The following TRHDE variants were observed in gnomAD, a reference collection of about 807,000 sequenced individuals.
TRHDE encodes thyrotropin-releasing hormone-degrading ectoenzyme.
TRHDE carries 72 observed loss-of-function variants against 125.7 expected under a neutral mutation model. The observed-to-expected ratio is 0.57, with a 90% CI of 0.47 to 0.70. The LOEUF (loss-of-function observed/expected upper bound fraction) is 0.70, where lower values mean the gene tolerates loss of function less well. TRHDE is among the 30% of genes least tolerant of loss of function. The pLI, the probability that TRHDE is intolerant of heterozygous loss-of-function variation, is 0.00. For synonymous variants in TRHDE, 509 were observed against 509.1 expected (o/e 1.00, Z 0.00); for missense variants, 1,110 against 1,327.1 (o/e 0.84, Z 2.54).
chr12:72,304,453 A>T (rs1868309068), intron 2 of TRHDE, among the ~76,000 whole-genome samples: 1 of 152,180 alleles, frequency 6.6e-6, no homozygotes, highest in South Asian at 2.1e-4. Flanking sequence ...ATAAAATGAA[A>T]TCTTGAAGTT....
chr12:72,470,053 A>T (rs1876568696), intron 4 of TRHDE, 141 bp downstream of exon 4: 1 of 800,674 alleles, frequency 1.2e-6, no homozygotes, highest in Admixed American at 3.1e-5. Flanking sequence ...TTTCTGGAAG[A>T]TATGTCATTT....
chr12:72,105,650 G>A (rs1431241044), exon 2 of TRHDE: 1 of 152,074 alleles, frequency 6.6e-6, no homozygotes, highest in Admixed American at 6.6e-5. Context: ...TCTTACAGAA[G>A]AGAAACTGAG....
chr12:72,407,221 G>T (rs1325896259), intron 3 of TRHDE, among the ~76,000 whole-genome samples: 2 of 152,182 alleles, frequency 1.3e-5, no homozygotes, highest in African/African-American at 2.4e-5. Flanking sequence ...TGAGTCTCCT[G>T]CAGTTGGAAG....
At chr12:72,372,671 C>G (rs1221760453) in intron 2 of TRHDE, among the ~76,000 whole-genome samples, 9 of 152,234 alleles carry the variant, frequency 5.9e-5, no homozygotes, top group Middle Eastern at 3.4e-3. Context: ...GCTTGTTTTT[C>G]TCAGGTTTGT....
At chr12:72,509,774 T>C (rs1878508610) in intron 6 of TRHDE, among the ~76,000 whole-genome samples, 1 of 152,202 alleles carries the variant, frequency 6.6e-6, no homozygotes, top group Non-Finnish European at 1.5e-5. Flanking sequence ...CTAATGTATC[T>C]CCAATACCTA....
At chr12:72,276,158 G>A (rs1229505502) in intron 1 of TRHDE, among the ~76,000 whole-genome samples, 1 of 152,082 alleles carries the variant, frequency 6.6e-6, no homozygotes, top group African/African-American at 2.4e-5. Flanking sequence ...ACCCATATCA[G>A]CATCTCAGCT....
In TRHDE at chr12:72,661,279, T is replaced by A. The variant is rs183508472; in HGVS notation, c.3067-1773T>A. On this transcript the variant is annotated intron_variant, in intron 18 of 18. Coordinates refer to ENST00000261180, the MANE Select transcript of TRHDE (RefSeq NM_013381.3). ...AGGAGGACTTAAGAGTTTTACTTTA[T>A]GTGTTTAGGCTGGCTTACCATCTCA... is the stretch of plus-strand genomic sequence containing the variant. Among the ~76,000 whole-genome samples, 254 of 152,266 alleles carry A rather than the reference T, an allele frequency of 1.7e-3. 2 individuals are homozygous for A. Among genetic ancestry groups the A allele is most frequent in the African/African-American group, 5.7e-3 (238 of 41,576 alleles).
At chr12:72,402,807 T>C (rs1057178780) in intron 3 of TRHDE, among the ~76,000 whole-genome samples, 3 of 152,190 alleles carry the variant, frequency 2.0e-5, no homozygotes, top group African/African-American at 7.2e-5. Context: ...TTTTGTCCTT[T>C]ATTTCCTAAG....
chr12:72,157,257 A>G (rs919385237), intron 2 of TRHDE, among the ~76,000 whole-genome samples: 1 of 152,144 alleles, frequency 6.6e-6, no homozygotes, highest in African/African-American at 2.4e-5. Flanking sequence ...ATGAAGACAG[A>G]GAGGTAGCTA....
upstream of TRHDE, chr12:72,272,209 C>T: frequency 2.3e-6 from 1 of 426,318 alleles, no homozygotes; most frequent in South Asian, 1.7e-5. The surrounding 1 kb of genome is among the most constrained non-coding windows in gnomAD (Gnocchi z 6.7). Flanking sequence ...CTCTCTACAC[C>T]CTCGCTCTTC....
At chr12:72,597,707 G>GTA (rs1872009535) in intron 12 of TRHDE, among the ~76,000 whole-genome samples, 1 of 47,638 alleles carries the variant, frequency 2.1e-5, no homozygotes, top group African/African-American at 1.7e-4. Flanking sequence ...ATATGTGTGT[G>GTA]TGTATGTATA....
intron 2 of TRHDE, among the ~76,000 whole-genome samples, chr12:72,321,589 G>A (rs528010282): frequency 1.3e-4 from 20 of 152,136 alleles, no homozygotes; most frequent in South Asian, 1.0e-3. Flanking sequence ...AGAAAGTAAA[G>A]GTGCGTTTAT....
chr12:72,386,432 T>G (rs1872419017), intron 3 of TRHDE, among the ~76,000 whole-genome samples: 1 of 152,224 alleles, frequency 6.6e-6, no homozygotes, highest in African/African-American at 2.4e-5. Context: ...CCTCCTTTTG[T>G]GCACCTCATC....
intron 2 of TRHDE, among the ~76,000 whole-genome samples, chr12:72,132,095 A>G (rs1218126570): frequency 6.6e-6 from 1 of 152,236 alleles, no homozygotes; most frequent in Non-Finnish European, 1.5e-5. Context: ...TCTCAGGGGA[A>G]GGATATTTTA....
At chr12:72,656,065 CAG>C (rs1021213677) in intron 17 of TRHDE, among the ~76,000 whole-genome samples, 2 of 141,024 alleles carry the variant, frequency 1.4e-5, no homozygotes, top group African/African-American at 5.3e-5. Flanking sequence ...TTTAAAAACC[CAG>C]AGTCTTATTT....
At chr12:72,472,152 C>T (rs1313218624) in intron 4 of TRHDE, among the ~76,000 whole-genome samples, 2 of 152,076 alleles carry the variant, frequency 1.3e-5, no homozygotes, top group Admixed American at 6.6e-5. Context: ...TCTGAAATTG[C>T]GTTGTTCATT....
chr12:72,589,808 TAATTA>T (rs1871593952), intron 12 of TRHDE, among the ~76,000 whole-genome samples: 2 of 152,206 alleles, frequency 1.3e-5, no homozygotes, highest in Admixed American at 1.3e-4. Flanking sequence ...GTGATTCTTT[TAATTA>T]GAGTTAATTT....
At chr12:72,641,035 G>A (rs1182893658) in intron 15 of TRHDE, among the ~76,000 whole-genome samples, 1 of 152,050 alleles carries the variant, frequency 6.6e-6, no homozygotes, top group Non-Finnish European at 1.5e-5. Flanking sequence ...AGGGACTTTA[G>A]GACTCATGTG....
chr12:72,395,445 T>A (rs188522494), intron 3 of TRHDE, among the ~76,000 whole-genome samples: 2 of 152,246 alleles, frequency 1.3e-5, no homozygotes, highest in Admixed American at 1.3e-4. Context: ...CTACTCTGCT[T>A]GCAGTCTCCT....
Sources: allele counts gnomAD v4.1 joint callset (sites outside exome capture counted in the v4.1 genomes callset), GRCh38; gene constraint gnomAD v4.1.1; non-coding constraint Gnocchi (gnomAD v3.1); transcripts MANE v1.5; gene names NCBI Gene and HGNC (gene_info 2026-07-23, HGNC 2026-07-21).